The following COX15 variants were observed in gnomAD, a reference collection of about 807,000 sequenced individuals.
COX15 encodes the protein heme A synthase COX15.
COX15 carries 51 observed loss-of-function variants against 51.9 expected under a neutral mutation model. The observed-to-expected ratio is 0.98, with a 90% confidence interval of 0.78 to 1.24. The LOEUF (loss-of-function observed/expected upper bound fraction) is 1.24. Among genes scored for constraint, COX15 ranks in the 50% most tolerant of loss-of-function variants. COX15 has a pLI of 0.00. For missense variants in COX15, 420 were observed against 501.1 expected (o/e 0.84, Z 1.55); for synonymous variants, 188 against 190.5 (o/e 0.99, Z 0.11).
intron 1 of COX15, among the ~76,000 whole-genome samples, chr10:99,731,530 C>T (rs138652687): frequency 5.0e-4 from 76 of 151,948 alleles, no homozygotes; most frequent in Non-Finnish European, 9.7e-4. Context: ...ACTGAGTCAC[C>T]TTTAGAAAAG....
rs1320690602 is a variant in COX15, at chr10:99,714,478, G to A, written c.*109C>T. On this transcript the variant is annotated 3_prime_UTR_variant, in exon 9 of 9. Transcript: ENST00000016171. ...AGATTTTTAAGTAAGTTGACCATTT[G>A]GAAACCACTTGGTATGTCAAGGTCA... 1.3e-6 allele frequency: 2 copies of A among 1,583,008 alleles called. No individual in the cohort carries two copies. Among genetic ancestry groups the A allele is most frequent in the Admixed American group, 1.8e-5 (1 of 55,198 alleles).
chr10:99,711,768 T>G lies in COX15; in HGVS notation c.*2819A>C. 1 of 985,476 alleles carries G rather than the reference T, an allele frequency of 1.0e-6. No individual in the cohort carries two copies. The highest frequency in any genetic ancestry group is 1.2e-6 in the Non-Finnish European group (1 of 829,928). 61.0% of individuals were successfully genotyped at this position (985,476 alleles called of 1,614,324 possible). ...AAGCCCAGCCAGGGTCCAGCATTTA[T>G]GAAAAATTGACAAACTGTTTTGCTA... On this transcript the variant is annotated 3_prime_UTR_variant, in exon 9 of 9. Coordinates refer to ENST00000016171, the MANE Select transcript of COX15 (RefSeq NM_078470.6).
At chr10:99,702,055 A>G in the COX15 span, among the ~76,000 whole-genome samples, 13 of 151,854 alleles carry the variant, frequency 8.6e-5, no homozygotes, top group African/African-American at 3.1e-4. Flanking sequence ...TCTCAAAAAA[A>G]AACAAAAATT....
the COX15 span, among the ~76,000 whole-genome samples, chr10:99,702,054 AAAACAAAAATTGTTTTAACAT>A: frequency 1.2e-3 from 185 of 152,210 alleles, no homozygotes; most frequent in South Asian, 6.6e-3. Flanking sequence ...GTCTCAAAAA[AAAACAAAAATTGTTTTAACAT>A]AAACAAAACT....
In COX15 at chr10:99,727,591, G is replaced by A. The variant is rs202223821; in HGVS notation, c.273-28C>T. The stretch of plus-strand genomic sequence containing the variant: ...TAGGATAGGAAAGAAATTTTGGGGT[G>A]TATGCGTGAGGCTGGATTACTCACA... On this transcript the variant is annotated intron_variant, in intron 2 of 8. Transcript: ENST00000016171. 1.9e-5 allele frequency: 30 copies of A among 1,611,532 alleles called. No individual in the cohort carries two copies. In the East Asian group the frequency reaches 4.2e-4, roughly 23 times the overall value.
rs1018877322 is a variant in COX15, at chr10:99,714,302, C to G, written c.*285G>C. On this transcript the variant is annotated 3_prime_UTR_variant, in exon 9 of 9. Coordinates refer to ENST00000016171, the MANE Select transcript of COX15 (RefSeq NM_078470.6). ...CAAGAGCTTGCCAACACTGAAAAAC[C>G]TGACACAAAGCCTGTTAAGCAGCAA... 5 of 1,216,786 alleles carry G rather than the reference C, an allele frequency of 4.1e-6. No homozygotes were observed. The highest frequency in any genetic ancestry group is 5.2e-6 in the Non-Finnish European group (5 of 962,286). 75.4% of individuals were successfully genotyped at this position (1,216,786 alleles called of 1,614,324 possible).
At chr10:99,702,700 T>C in the COX15 span, 1 of 1,581,382 alleles carries the variant, frequency 6.3e-7, no homozygotes, top group Non-Finnish European at 8.6e-7. Flanking sequence ...CAATCTGGTA[T>C]CTTGAGCTCA....
chr10:99,702,801 C>A, the COX15 span: 1 of 810,714 alleles, frequency 1.2e-6, no homozygotes, highest in Admixed American at 4.0e-5. Context: ...CTCTCTACCC[C>A]CTCACAAAAA....
intron 2 of COX15, among the ~76,000 whole-genome samples, chr10:99,728,787 T>C (rs2037042459): frequency 6.6e-6 from 1 of 152,192 alleles, no homozygotes; most frequent in Admixed American, 6.5e-5. Flanking sequence ...AAACTGTGCA[T>C]AACCATAGGA....
At chr10:99,707,457 T>C (rs2036275030), downstream of COX15, among the ~76,000 whole-genome samples, 2 of 152,276 alleles carry the variant, frequency 1.3e-5, no homozygotes, top group African/African-American at 4.8e-5. Context: ...AATAATTTGC[T>C]TCTAGGAGCA....
intron 6 of COX15, among the ~76,000 whole-genome samples, chr10:99,720,425 AAC>A (rs2036724506): frequency 6.6e-6 from 1 of 152,126 alleles, no homozygotes; most frequent in East Asian, 1.9e-4. Context: ...CAGCCTGGGC[AAC>A]AGAGTGAGAC....
intron 3 of COX15, 54 bp downstream of exon 3, chr10:99,727,387 C>T (rs2036994260): frequency 6.2e-7 from 1 of 1,604,454 alleles, no homozygotes; most frequent in Admixed American, 1.7e-5. Context: ...GGTTTAAGTC[C>T]AAAAGATCAA....
chr10:99,701,344 G>A, the COX15 span, among the ~76,000 whole-genome samples: 1 of 151,148 alleles, frequency 6.6e-6, no homozygotes, highest in African/African-American at 2.4e-5. Flanking sequence ...CTGGAGTGCA[G>A]TGGCATGATC....
In COX15 at chr10:99,714,154, T is replaced by C. The variant is rs1283943639; in HGVS notation, c.*433A>G. 2.4e-5 allele frequency: 25 copies of C among 1,025,088 alleles called. No individual in the cohort carries two copies. Among genetic ancestry groups the C allele is most frequent in the Non-Finnish European group, 2.9e-5 (25 of 853,348 alleles). 63.5% of individuals were successfully genotyped at this position (1,025,088 alleles called of 1,614,324 possible). A position where few individuals can be genotyped will look rare whatever the true frequency, so the allele number is the denominator to read the frequency against. ...CTGAAGACCAGCTGGCTACTTTGGG[T>C]ATGTCAATCCTATCCTTTCAATCTT... is the stretch of plus-strand genomic sequence containing the variant. On this transcript the variant is annotated 3_prime_UTR_variant, in exon 9 of 9. Coordinates refer to ENST00000016171, the MANE Select transcript of COX15 (RefSeq NM_078470.6).
the COX15 span, among the ~76,000 whole-genome samples, chr10:99,703,621 T>C: frequency 6.6e-6 from 1 of 152,358 alleles, no homozygotes; most frequent in East Asian, 1.9e-4. Context: ...ACACTTGGTT[T>C]TCATATCGCC....
the COX15 span, chr10:99,704,516 A>C: frequency 6.2e-7 from 1 of 1,614,168 alleles, no homozygotes; most frequent in East Asian, 2.2e-5. Flanking sequence ...CTTTGTATAC[A>C]ACCACTATCT....
chr10:99,699,589 G>A, the COX15 span, among the ~76,000 whole-genome samples: 1 of 152,068 alleles, frequency 6.6e-6, no homozygotes, highest in African/African-American at 2.4e-5. Flanking sequence ...TCTTGAGATG[G>A]GGTCTCGCTC....
chr10:99,699,790 T>C, the COX15 span, among the ~76,000 whole-genome samples: 3 of 152,186 alleles, frequency 2.0e-5, no homozygotes, highest in Non-Finnish European at 2.9e-5. Flanking sequence ...GGTTTGGAAC[T>C]CCTGGCCTCA....
At position 99,711,117 on chromosome 10, in the gene COX15, A is replaced by G; in HGVS notation, c.*3470T>C. ...ACATAAATACAAAAAAAACCCTAAG[A>G]TAATCATTCACCAGAAGCTCATAGA... On this transcript the variant is annotated 3_prime_UTR_variant, in exon 9 of 9. Transcript: ENST00000016171. 1 of 985,066 alleles carries G rather than the reference A, an allele frequency of 1.0e-6. No individual in the cohort carries two copies. Among genetic ancestry groups the G allele is most frequent in the East Asian group, 1.1e-4 (1 of 8,820 alleles). The allele number at this position is 985,066 out of a possible 1,614,324, so 61.0% of individuals were successfully genotyped here.
Sources: allele counts gnomAD v4.1 joint callset (sites outside exome capture counted in the v4.1 genomes callset), GRCh38; gene constraint gnomAD v4.1.1; transcripts MANE v1.5; gene names NCBI Gene and HGNC (gene_info 2026-07-23, HGNC 2026-07-21).